Variants in ZNF385C observed in about 807,000 individuals in gnomAD.
ZNF385C encodes zinc finger protein 385C.
Under a neutral mutation model 35.4 loss-of-function variants are expected in ZNF385C, and 28 were observed. The observed-to-expected ratio is 0.79, with a 90% confidence interval of 0.59 to 1.08. The LOEUF is 1.08. Ranked by LOEUF, ZNF385C falls within the 50% of genes least tolerant of loss-of-function variation. ZNF385C has a pLI of 0.00. For synonymous variants in ZNF385C, 248 were observed against 248.2 expected, an observed-to-expected ratio of 1.00 and a Z score of 0.01; for missense variants, 605 against 595.6, an observed-to-expected ratio of 1.02 and a Z score of -0.16.
At chr17:42,070,148 T>A (rs1041821565) in intron 1 of ZNF385C, among the ~76,000 whole-genome samples, 5 of 151,874 alleles carry the variant, frequency 3.3e-5, no homozygotes, top group African/African-American at 1.2e-4. Context: ...ATCGAGACCA[T>A]CCTGGCTAAC....
chr17:42,040,020 A>C, intron 2 of ZNF385C: 1 of 1,231,058 alleles, frequency 8.1e-7, no homozygotes, highest in Non-Finnish European at 1.0e-6. Context: ...CGAGCCGCCC[A>C]AGGCCGAATA....
rs782259281 is a variant in ZNF385C at position 42,027,034 on chromosome 17, C to T, written c.1375G>A (p.Gly459Arg). The change falls in exon 9 of 9, where the codon GGG (glycine) becomes AGG (arginine). Residue 459 changes from glycine to arginine, a missense_variant. By Grantham distance (125) the Gly-to-Arg change is moderately radical. Coordinates refer to ENST00000692273, the MANE Select transcript of ZNF385C (RefSeq NM_001392013.1). ...TAATAICALPGPLALRPAPTA... is the reference protein window; with the variant it reads ...TAATAICALPRPLALRPAPTA... ...GGGGCAGGGCGGAGGGCCAGGGGCC[C>T]TGGCAGAGCACAGATGGCAGTGGCT... 2.9e-5 allele frequency: 46 copies of T among 1,608,190 alleles called. No homozygotes were observed. The highest frequency in any genetic ancestry group is 3.6e-5 in the Non-Finnish European group (42 of 1,177,306).
At chr17:42,036,986 G>T (rs185788444) in intron 3 of ZNF385C, among the ~76,000 whole-genome samples, 1 of 152,202 alleles carries the variant, frequency 6.6e-6, no homozygotes, top group Admixed American at 6.5e-5. Context: ...CTCATATAGT[G>T]AATTAAAATT....
At chr17:42,048,037 T>A (rs1361790329) in intron 2 of ZNF385C, among the ~76,000 whole-genome samples, 1 of 152,108 alleles carries the variant, frequency 6.6e-6, no homozygotes, top group East Asian at 1.9e-4. Context: ...GATCCCATGT[T>A]CCTTGGTTTT....
At chr17:42,028,314 A>C (rs556135849) in intron 6 of ZNF385C, 68 bp from the exon 7 acceptor site, 2 of 1,448,114 alleles carry the variant, frequency 1.4e-6, no homozygotes, top group South Asian at 2.7e-5. Context: ...GACCCCCTCC[A>C]CACTCATGCA....
chr17:42,067,860 G>A (rs2053570233), intron 1 of ZNF385C, among the ~76,000 whole-genome samples: 1 of 152,188 alleles, frequency 6.6e-6, no homozygotes, highest in African/African-American at 2.4e-5. Context: ...GCCATGCCAA[G>A]GAGAGCTGCC....
intron 3 of ZNF385C, among the ~76,000 whole-genome samples, chr17:42,035,354 T>C (rs1046266196): frequency 6.6e-6 from 1 of 151,452 alleles, no homozygotes; most frequent in Non-Finnish European, 1.5e-5. Context: ...TTTTTCTCCT[T>C]TGCAATAATT....
At chr17:42,027,564 C>T (rs1381226833) in intron 8 of ZNF385C, 54 bp downstream of exon 8, 2 of 752,504 alleles carry the variant, frequency 2.7e-6, no homozygotes, top group African/African-American at 1.8e-5. Context: ...GCCCTCCCAG[C>T]CCACCCTCTC....
rs557648908 is a variant in ZNF385C at position 42,029,048 on chromosome 17, A to G, written c.702T>C (p.Pro234=). The G allele has an allele frequency of 1.5e-5, 23 of 1,549,760 alleles. No individual in the cohort carries two copies. In the Admixed American group the frequency reaches 3.7e-4, roughly 25 times the overall value. The change falls in exon 6 of 9, where the codon CCT becomes CCC. Residue 234 remains proline (P), a synonymous_variant. Transcript: ENST00000692273. ...CTGGAGTTGGTGGTGGCTGGAGTGG[A>G]GGCCCAAGAGGAGGGGCTGCAGGAA... ...SKVPAAPPLG[P]PLQPPPTPDP...
intron 1 of ZNF385C, among the ~76,000 whole-genome samples, chr17:42,097,526 C>G (rs1440144775): frequency 2.0e-5 from 3 of 152,126 alleles, no homozygotes; most frequent in African/African-American, 7.2e-5. Flanking sequence ...TGGACCCAGA[C>G]AGCAATGTCC....
chr17:42,074,884 C>T (rs566096733), intron 1 of ZNF385C, among the ~76,000 whole-genome samples: 1 of 152,354 alleles, frequency 6.6e-6, no homozygotes, highest in Non-Finnish European at 1.5e-5. Context: ...GTCATCCCAT[C>T]TCTTTTGTAG....
rs1427169424 is a variant in ZNF385C at position 42,040,076 on chromosome 17, C to T, written c.251-2191G>A. ...AAGTCGCCCAGCGCCCGCTGGCGCA[C>T]CACGGCAGGAGCAAAGCCGCGCAGC... On this transcript the variant is annotated intron_variant, in intron 2 of 8. Transcript: ENST00000692273. 6.5e-6 allele frequency: 8 copies of T among 1,231,140 alleles called. No individual in the cohort carries two copies. In the Admixed American group the frequency reaches 2.1e-4, roughly 32 times the overall value. 76.3% of individuals were successfully genotyped at this position (1,231,140 alleles called of 1,614,324 possible). A position where few individuals can be genotyped will look rare whatever the true frequency, so the allele number is the denominator to read the frequency against.
intron 1 of ZNF385C, among the ~76,000 whole-genome samples, chr17:42,079,072 G>C (rs572953118): frequency 1.3e-5 from 2 of 151,028 alleles, no homozygotes; most frequent in South Asian, 4.2e-4. Flanking sequence ...AGCCCGGCAC[G>C]GTGGCTCATG....
rs2052571554 is a variant in ZNF385C, at chr17:42,026,046, G to A, written c.*851C>T. 1 of 151,996 alleles carries A rather than the reference G, an allele frequency of 6.6e-6. No homozygotes were observed. The highest frequency in any genetic ancestry group is 2.4e-5 in the African/African-American group (1 of 41,254). 9.4% of individuals were successfully genotyped at this position (151,996 alleles called of 1,614,324 possible). A position where few individuals can be genotyped will look rare whatever the true frequency, so the allele number is the denominator to read the frequency against. ...GTTCAGGAAGTCAGAGAAAGGCTAA[G>A]AAGAAGAGCTTCTGAGGGATGAGTT... On this transcript the variant is annotated 3_prime_UTR_variant, in exon 9 of 9. Transcript: ENST00000692273.
At chr17:42,065,937 G>A (rs1217343401) in intron 1 of ZNF385C, among the ~76,000 whole-genome samples, 2 of 152,072 alleles carry the variant, frequency 1.3e-5, no homozygotes, top group Non-Finnish European at 2.9e-5. Context: ...TGTAGAATGG[G>A]AGTGATCAAT....
At chr17:42,072,535 G>C (rs1486315926) in intron 1 of ZNF385C, among the ~76,000 whole-genome samples, 3 of 152,032 alleles carry the variant, frequency 2.0e-5, no homozygotes, top group African/African-American at 7.2e-5. Flanking sequence ...CGGGGAGTGC[G>C]GGCCCGAGTC....
intron 2 of ZNF385C, among the ~76,000 whole-genome samples, chr17:42,053,634 A>C (rs2053323751): frequency 6.6e-6 from 1 of 151,428 alleles, no homozygotes; most frequent in Non-Finnish European, 1.5e-5. Flanking sequence ...CCTTTCTTTC[A>C]CCTTTGTTCT....
chr17:42,090,151 C>T (rs1259689761), intron 1 of ZNF385C, among the ~76,000 whole-genome samples: 1 of 151,940 alleles, frequency 6.6e-6, no homozygotes, highest in Admixed American at 6.6e-5. Flanking sequence ...GCCTTGAGTG[C>T]TCTTTTCCTT....
At chr17:42,052,982 G>C (rs1555657253) in intron 2 of ZNF385C, among the ~76,000 whole-genome samples, 1 of 152,176 alleles carries the variant, frequency 6.6e-6, no homozygotes, top group African/African-American at 2.4e-5. Context: ...ACTCTGCGAA[G>C]AATATGGGAG....
Sources: gnomAD v4.1 joint callset for allele counts (sites outside exome capture counted in the v4.1 genomes callset) on GRCh38, gnomAD v4.1.1 for gene constraint, MANE v1.5 for transcripts, NCBI Gene and HGNC (gene_info 2026-07-23, HGNC 2026-07-21) for gene names.